ARFGAP1: variants seen among roughly 807,000 people sequenced by gnomAD.
ARFGAP1 encodes ARF GTPase activating protein 1.
ARFGAP1 carries 26 observed loss-of-function variants against 54.0 expected under a neutral mutation model. The ratio of observed to expected loss-of-function variants is 0.48; its 90% CI spans 0.35 to 0.67. The LOEUF is 0.67. Ranked by LOEUF, ARFGAP1 falls within the 30% of genes least tolerant of loss-of-function variation. The pLI, the probability that ARFGAP1 is intolerant of heterozygous loss-of-function variation, is 0.00. For missense variants in ARFGAP1, 525 were observed against 535.8 expected (o/e 0.98, Z 0.20); for synonymous variants, 248 against 211.9 (o/e 1.17, Z -1.48).
chr20:63,284,664 T>C (rs1011385319), intron 9 of ARFGAP1: 4 of 1,419,828 alleles, frequency 2.8e-6, no homozygotes, highest in Non-Finnish European at 3.7e-6. Flanking sequence ...GGGGCCGCGG[T>C]CTCCGCCTTC....
rs756425439 is a variant in ARFGAP1 at position 63,287,741 on chromosome 20, C to G, written c.1089C>G (p.Ser363Arg). ...CCACCGAGAGGAGGAGCTCGGACAG[C>G]TGGGAGGTGTGGGGCTCGGCCTCCA... ...DTSTERRSSDSWEVWGSASTN... is the reference protein window; with the variant it reads ...DTSTERRSSDRWEVWGSASTN... Residue 363 changes from serine to arginine, a missense_variant, in exon 13 of 13, where the codon AGC becomes AGG. Coordinates refer to ENST00000370283, the MANE Select transcript of ARFGAP1 (RefSeq NM_018209.4). 186 of 1,608,390 alleles carry G rather than the reference C, an allele frequency of 1.2e-4. No homozygotes were observed. The highest frequency in any genetic ancestry group is 1.5e-4 in the Non-Finnish European group (180 of 1,178,152).
In ARFGAP1 at chr20:63,275,558, T is replaced by G. The variant is rs367624240; in HGVS notation, c.-4-19T>G. 24 of 1,612,916 alleles carry G rather than the reference T, an allele frequency of 1.5e-5. No homozygotes were observed. Among genetic ancestry groups the G allele is most frequent in the Non-Finnish European group, 1.8e-5 (21 of 1,179,344 alleles). ...TAGCCTGTTTGTAAGTTTAAAGTGT[T>G]TATTTTTCTCCTTTGCAGCATCATG... On this transcript the variant is annotated intron_variant, in intron 1 of 12. Coordinates refer to ENST00000370283, the MANE Select transcript of ARFGAP1 (RefSeq NM_018209.4).
chr20:63,278,851 G>T (rs1483555194), intron 6 of ARFGAP1, 48 bp from the exon 7 acceptor site: 1 of 1,596,380 alleles, frequency 6.3e-7, no homozygotes, highest in Admixed American at 1.7e-5. Context: ...CTCGGGAGGA[G>T]CAGGGTTCAT....
At chr20:63,280,556 C>T in intron 7 of ARFGAP1, among the ~76,000 whole-genome samples, 1 of 152,266 alleles carries the variant, frequency 6.6e-6, no homozygotes, top group Admixed American at 6.5e-5. Flanking sequence ...CAAGAGCCCC[C>T]AAGTGTGTGG....
At chr20:63,282,465 C>T (rs112667215) in intron 8 of ARFGAP1, among the ~76,000 whole-genome samples, 247 of 152,348 alleles carry the variant, frequency 1.6e-3, no homozygotes, top group African/African-American at 5.2e-3. Flanking sequence ...TTGAAGATAG[C>T]GCTGGTGTGG....
chr20:63,280,271 T>C (rs888322358), intron 7 of ARFGAP1, among the ~76,000 whole-genome samples: 1 of 152,210 alleles, frequency 6.6e-6, no homozygotes, highest in African/African-American at 2.4e-5. Flanking sequence ...ATTTTGTTTT[T>C]TGTTTTTTTG....
chr20:63,285,736 G>T (rs576277136), intron 11 of ARFGAP1, 23 bp downstream of exon 11: 2 of 1,610,258 alleles, frequency 1.2e-6, no homozygotes, highest in Non-Finnish European at 1.7e-6. Flanking sequence ...CCAGATACGC[G>T]GGCACAGTCG....
intron 6 of ARFGAP1, 31 bp downstream of exon 6, chr20:63,278,234 G>A (rs762473591): frequency 1.5e-5 from 24 of 1,603,488 alleles, no homozygotes; most frequent in Non-Finnish European, 1.8e-5. Context: ...GACGCCTGGC[G>A]TGGGCCAGGC....
intron 5 of ARFGAP1, 67 bp from the exon 6 acceptor site, chr20:63,278,050 G>A: frequency 1.4e-6 from 2 of 1,446,180 alleles, no homozygotes; most frequent in Non-Finnish European, 1.9e-6. Flanking sequence ...GGTTCTGGGG[G>A]TGCTTCTGGG....
At position 63,289,479 on chromosome 20, in the gene ARFGAP1, T is replaced by TG. The variant is rs1447939585; in HGVS notation, c.*1608dup. The TG allele has an allele frequency of 6.6e-6, 1 of 152,328 alleles. No homozygotes were observed. The highest frequency in any genetic ancestry group is 1.5e-5 in the Non-Finnish European group (1 of 68,116). 9.4% of individuals were successfully genotyped at this position (152,328 alleles called of 1,614,324 possible). The stretch of plus-strand genomic sequence containing the variant: ...CTGTTTCCACGCCAGCACCTTGACT[T>TG]GGCAGCATGGAGCCAAGGTCTGTCC... On this transcript the variant is annotated 3_prime_UTR_variant, in exon 13 of 13. Transcript: ENST00000370283.
At position 63,284,353 on chromosome 20, in the gene ARFGAP1, A is replaced by C; in HGVS notation, c.718-513A>C. 9 of 1,058,082 alleles carry C rather than the reference A, an allele frequency of 8.5e-6. No individual in the cohort carries two copies. The South Asian group carries it at 1.1e-4, about 12-fold the overall frequency. The allele number at this position is 1,058,082 out of a possible 1,614,324, so 65.5% of individuals were successfully genotyped here. On this transcript the variant is annotated intron_variant, in intron 9 of 12. Coordinates refer to ENST00000370283, the MANE Select transcript of ARFGAP1 (RefSeq NM_018209.4). ...TTGGGGGAAGAGGAGGCCTCACACC[A>C]CATCCCCAGGTGGCCGTGTGGCCTC...
At chr20:63,286,934 T>G (rs8115872) in intron 12 of ARFGAP1, 11,686 of 165,204 alleles carry the variant, frequency 0.071, 462 homozygotes, top group Middle Eastern at 0.09. Context: ...CCTTAGTGCT[T>G]GGCACCCCAG....
chr20:63,287,678 G>C lies in ARFGAP1; in HGVS notation c.1026G>C (p.Lys342Asn). The C allele has an allele frequency of 1.2e-6, 2 of 1,612,598 alleles. No individual in the cohort carries two copies. The highest frequency in any genetic ancestry group is 2.2e-5 in the East Asian group (1 of 44,870). The change falls in exon 13 of 13, where the codon AAG becomes AAC. Residue 342 changes from lysine to asparagine, a missense_variant. Coordinates refer to ENST00000370283, the MANE Select transcript of ARFGAP1 (RefSeq NM_018209.4). Reference protein sequence around the residue: ...FGSAEPTKTRKSPSSDSWTCA... With the variant: ...FGSAEPTKTRNSPSSDSWTCA... Reference sequence around the variant, plus strand: ...GTGCTGAGCCCACCAAGACCCGCAAGTCCCCGAGCAGCGACAGCTGGACGT... The same window carrying C: ...GTGCTGAGCCCACCAAGACCCGCAACTCCCCGAGCAGCGACAGCTGGACGT...
At chr20:63,278,628 ATAT>A (rs1481357212) in intron 6 of ARFGAP1, 6 of 522,630 alleles carry the variant, frequency 1.1e-5, no homozygotes, top group Non-Finnish European at 2.0e-5. Flanking sequence ...CAAAGCTGTC[ATAT>A]TAAGTTGTTT....
Position 63,289,432 on chromosome 20 carries a change from G to T in ARFGAP1, c.*1559G>T. 1 of 152,406 alleles carries T rather than the reference G, an allele frequency of 6.6e-6. No homozygotes were observed. Among genetic ancestry groups the T allele is most frequent in the Admixed American group, 6.5e-5 (1 of 15,310 alleles). The allele number at this position is 152,406 out of a possible 1,614,324, so 9.4% of individuals were successfully genotyped here. A position where few individuals can be genotyped will look rare whatever the true frequency, so the allele number is the denominator to read the frequency against. ...GGGGTGGACTCCACCTTGGACAGTGGGATGTGGTGTTCCACATGTGCCTGT... is the reference window on the plus strand; with the variant it reads ...GGGGTGGACTCCACCTTGGACAGTGTGATGTGGTGTTCCACATGTGCCTGT... On this transcript the variant is annotated 3_prime_UTR_variant, in exon 13 of 13. Transcript: ENST00000370283.
At chr20:63,285,990 G>A (rs761302090) in intron 11 of ARFGAP1, 770 of 1,528,480 alleles carry the variant, frequency 5.0e-4, no homozygotes, top group Non-Finnish European at 6.4e-4. Flanking sequence ...TGCCAGCGCC[G>A]TCTTTGCTGC....
chr20:63,278,912 C>G lies in ARFGAP1; in HGVS notation c.544C>G (p.Arg182Gly). Residue 182 changes from arginine to glycine, a missense_variant, in exon 7 of 13, where the codon CGC (arginine) becomes GGC (glycine). Physicochemically the swap from Arg to Gly is moderately radical, Grantham distance 125. Coordinates refer to ENST00000370283, the MANE Select transcript of ARFGAP1 (RefSeq NM_018209.4). ...CTTTGTTTTCAGGGCCCAGGGGAAT[C>G]GCTACGTGGGGTTTGGGAACACGCC... ...LGSYQGAQGN[R>G]YVGFGNTPPP... 1 of 1,614,136 alleles carries G rather than the reference C, an allele frequency of 6.2e-7. No homozygotes were observed. Among genetic ancestry groups the G allele is most frequent in the Non-Finnish European group, 8.5e-7 (1 of 1,180,004 alleles).
At chr20:63,281,227 T>C (rs2067371914) in intron 7 of ARFGAP1, 64 bp from the exon 8 acceptor site, 3 of 1,514,712 alleles carry the variant, frequency 2.0e-6, no homozygotes, top group Non-Finnish European at 2.7e-6. Flanking sequence ...GCTGAGATAC[T>C]CTGCTCAGCG....
intron 9 of ARFGAP1, chr20:63,283,991 G>A (rs1181924178): frequency 1.6e-5 from 24 of 1,539,676 alleles, no homozygotes; most frequent in African/African-American, 2.7e-5. Flanking sequence ...TCACATGTGC[G>A]CACGCTCAGA....
Sources: allele counts gnomAD v4.1 joint callset (sites outside exome capture counted in the v4.1 genomes callset), GRCh38; gene constraint gnomAD v4.1.1; transcripts MANE v1.5; gene names NCBI Gene and HGNC (gene_info 2026-07-23, HGNC 2026-07-21).